Variants in MAPK8 observed in about 807,000 individuals in gnomAD.
The protein encoded by MAPK8 is mitogen-activated protein kinase 8, also known as JUN N-terminal kinase.
Under a neutral mutation model 52.9 loss-of-function variants are expected in MAPK8, and 13 were observed. The ratio of observed to expected loss-of-function variants is 0.25; its 90% confidence interval spans 0.16 to 0.39. MAPK8 has a LOEUF of 0.39. MAPK8 is among the 10% of genes least tolerant of loss of function. The pLI is 1.00. For synonymous variants in MAPK8, 191 were observed against 169.8 expected, an observed-to-expected ratio of 1.12 and a Z score of -0.97; for missense variants, 300 against 519.2, an observed-to-expected ratio of 0.58 and a Z score of 4.10.
chr10:48,375,185 A>C (rs144110729), intron 1 of MAPK8, among the ~76,000 whole-genome samples: 1 of 152,240 alleles, frequency 6.6e-6, no homozygotes, highest in East Asian at 1.9e-4. Context: ...GACAAAATTC[A>C]GCAGCCCCTC....
intron 6 of MAPK8, 83 bp downstream of exon 6, chr10:48,420,403 C>A: frequency 7.8e-7 from 1 of 1,285,606 alleles, no homozygotes; most frequent in Non-Finnish European, 1.1e-6. Context: ...AATACTTAAG[C>A]AGAAGTACGT....
At chr10:48,419,940 A>G (rs530346299) in intron 5 of MAPK8, among the ~76,000 whole-genome samples, 1 of 152,296 alleles carries the variant, frequency 6.6e-6, no homozygotes, top group Admixed American at 6.5e-5. Flanking sequence ...AACATTACTA[A>G]CTTCTCTAAT....
chr10:48,411,829 C>T (rs1378294703), intron 5 of MAPK8, among the ~76,000 whole-genome samples: 1 of 131,238 alleles, frequency 7.6e-6, no homozygotes, highest in South Asian at 2.9e-4. Context: ...CCCTCCCTTC[C>T]CCTTCCTTCC....
Position 48,317,228 on chromosome 10 carries a change from CAGTG to C in MAPK8, c.-50+10408_-50+10411del, listed in dbSNP as rs376779429. Among the ~76,000 whole-genome samples, 38 of 152,286 alleles carry C rather than the reference CAGTG, an allele frequency of 2.5e-4. No individual in the cohort carries two copies. In the East Asian group the frequency reaches 3.7e-3, roughly 15 times the overall value. On this transcript the variant is annotated intron_variant, in intron 1 of 11. Transcript: ENST00000374189. ...TCCCTCTGTTGCCCAGGCTGGAGTG[CAGTG>C]GTGTGATCGTAGATCACTGCAGCCT...
chr10:48,429,756 AGTT>A (rs1407599124), intron 10 of MAPK8: 1 of 152,168 alleles, frequency 6.6e-6, no homozygotes, highest in East Asian at 1.9e-4. Flanking sequence ...ACTTATCTCC[AGTT>A]GTTGTTCATT....
intron 2 of MAPK8, 71 bp from the exon 3 acceptor site, chr10:48,404,781 C>T (rs1273379394): frequency 8.2e-7 from 1 of 1,216,650 alleles, no homozygotes; most frequent in African/African-American, 1.5e-5. Flanking sequence ...ATGTATATGA[C>T]TGTTTCATGA....
chr10:48,374,474 A>G (rs913495816), intron 1 of MAPK8, among the ~76,000 whole-genome samples: 1 of 152,186 alleles, frequency 6.6e-6, no homozygotes, highest in Non-Finnish European at 1.5e-5. Flanking sequence ...GAAAAGATCA[A>G]CAAAATAGAC....
intron 1 of MAPK8, among the ~76,000 whole-genome samples, chr10:48,338,155 AAC>A (rs942468269): frequency 8.7e-5 from 13 of 149,086 alleles, no homozygotes; most frequent in Admixed American, 7.8e-4. Flanking sequence ...CAAAAAGAAA[AAC>A]AGAAATGCAG....
At chr10:48,316,191 A>T (rs759709266) in intron 1 of MAPK8, among the ~76,000 whole-genome samples, 36 of 152,230 alleles carry the variant, frequency 2.4e-4, no homozygotes, top group Non-Finnish European at 4.4e-4. Context: ...CACATATGTG[A>T]CAGTGGTCCC....
chr10:48,365,838 A>T (rs2132573624), intron 1 of MAPK8, among the ~76,000 whole-genome samples: 1 of 152,304 alleles, frequency 6.6e-6, no homozygotes, highest in Non-Finnish European at 1.5e-5. Flanking sequence ...TCATGGCATG[A>T]CAGTTGGATT....
At chr10:48,404,475 T>C (rs1320280345) in intron 2 of MAPK8, among the ~76,000 whole-genome samples, 2 of 152,178 alleles carry the variant, frequency 1.3e-5, no homozygotes. Flanking sequence ...TTCTTTATCC[T>C]ACCTTTTCTT....
At chr10:48,426,103 T>C (rs1351112630) in intron 8 of MAPK8, 33 bp downstream of exon 8, 1 of 1,566,872 alleles carries the variant, frequency 6.4e-7, no homozygotes. Context: ...TTTAATCCCA[T>C]TTGGGGTGTG....
At chr10:48,368,227 T>G (rs894686464) in intron 1 of MAPK8, among the ~76,000 whole-genome samples, 1 of 152,238 alleles carries the variant, frequency 6.6e-6, no homozygotes, top group Non-Finnish European at 1.5e-5. Context: ...ATGCATGCTC[T>G]TTACCCTTAC....
chr10:48,341,746 G>GA (rs1845287206), intron 1 of MAPK8, among the ~76,000 whole-genome samples: 2 of 152,214 alleles, frequency 1.3e-5, no homozygotes, highest in Non-Finnish European at 2.9e-5. Context: ...CAATGAAAGA[G>GA]AAGAACATGG....
chr10:48,422,088 A>G (rs755935348), intron 6 of MAPK8, among the ~76,000 whole-genome samples: 5 of 151,552 alleles, frequency 3.3e-5, no homozygotes, highest in Non-Finnish European at 5.9e-5. Flanking sequence ...GCTGGAGTAC[A>G]GTCATGCCAT....
chr10:48,434,232 A>G (rs1233368770), intron 11 of MAPK8, among the ~76,000 whole-genome samples: 3 of 152,244 alleles, frequency 2.0e-5, no homozygotes, highest in Non-Finnish European at 4.4e-5. Context: ...AGTAGAAATA[A>G]GAAGACCCAA....
At chr10:48,397,934 T>C (rs1462601528) in intron 1 of MAPK8, among the ~76,000 whole-genome samples, 1 of 152,154 alleles carries the variant, frequency 6.6e-6, no homozygotes, top group Non-Finnish European at 1.5e-5. Flanking sequence ...TATACTAATA[T>C]AAAGTATGTG....
intron 6 of MAPK8, among the ~76,000 whole-genome samples, chr10:48,421,577 C>T (rs1423731129): frequency 6.6e-6 from 1 of 151,998 alleles, no homozygotes; most frequent in Non-Finnish European, 1.5e-5. Flanking sequence ...GGCCGAGGCT[C>T]GTGGATCACT....
At chr10:48,328,973 C>G (rs1843819353) in intron 1 of MAPK8, among the ~76,000 whole-genome samples, 1 of 152,178 alleles carries the variant, frequency 6.6e-6, no homozygotes. Context: ...TAAAGCGTTT[C>G]CAACTTTAGC....
Sources: gnomAD v4.1 joint callset for allele counts (sites outside exome capture counted in the v4.1 genomes callset) on GRCh38, gnomAD v4.1.1 for gene constraint, MANE v1.5 for transcripts, NCBI Gene and HGNC (gene_info 2026-07-23, HGNC 2026-07-21) for gene names.